GLG1: variants seen among roughly 807,000 people sequenced by gnomAD.
The protein encoded by GLG1 is Golgi apparatus protein 1.
A neutral mutation model predicts 160.5 loss-of-function variants in GLG1; 38 were observed. That is an observed-to-expected ratio of 0.24 (90% CI 0.18 to 0.31). The LOEUF (loss-of-function observed/expected upper bound fraction) is 0.31. Ranked by LOEUF, GLG1 falls within the 10% of genes least tolerant of loss-of-function variation. The pLI, the probability that GLG1 is intolerant of heterozygous loss-of-function variation, is 1.00. For missense variants in GLG1, 1,373 were observed against 1,505.2 expected (o/e 0.91, Z 1.45); for synonymous variants, 644 against 543.4 (o/e 1.19, Z -2.57).
rs754782479 is a variant in GLG1 at position 74,452,071 on chromosome 16, T to G, written c.*1096A>C. The G allele has an allele frequency of 2.5e-6, 4 of 1,612,832 alleles. No individual in the cohort carries two copies. The highest frequency in any genetic ancestry group is 3.4e-6 in the Non-Finnish European group (4 of 1,178,868). ...TGCAGAAAGGTCAGGCTGGACTGCC[T>G]GTCACATCCTGAGACCACACTAAAC... On this transcript the variant is annotated 3_prime_UTR_variant, in exon 26 of 26. Coordinates refer to ENST00000422840, the MANE Select transcript of GLG1 (RefSeq NM_001145667.2).
intron 2 of GLG1, among the ~76,000 whole-genome samples, chr16:74,525,751 C>T (rs1439246796): frequency 6.7e-6 from 1 of 148,670 alleles, no homozygotes. Context: ...GATCTCAATA[C>T]TAGACCCTTT....
intron 13 of GLG1, 74 bp from the exon 14 acceptor site, chr16:74,472,485 T>G: frequency 1.5e-6 from 2 of 1,361,484 alleles, no homozygotes; most frequent in Non-Finnish European, 2.1e-6. Flanking sequence ...TTTCTCTTTC[T>G]GAATCAGTAA....
At chr16:74,592,316 T>C (rs1013579763) in intron 1 of GLG1, among the ~76,000 whole-genome samples, 14 of 152,204 alleles carry the variant, frequency 9.2e-5, no homozygotes, top group Non-Finnish European at 1.9e-4. Context: ...CTGATTTTTG[T>C]ATTTTTAGTA....
intron 1 of GLG1, among the ~76,000 whole-genome samples, chr16:74,563,916 T>C (rs2018577701): frequency 6.6e-6 from 1 of 152,122 alleles, no homozygotes; most frequent in Non-Finnish European, 1.5e-5. Flanking sequence ...TCTGTGAAGT[T>C]GCTGACACTT....
intron 1 of GLG1, among the ~76,000 whole-genome samples, chr16:74,564,880 G>A (rs2018607722): frequency 6.6e-6 from 1 of 152,178 alleles, no homozygotes; most frequent in Non-Finnish European, 1.5e-5. Flanking sequence ...AGAGATCCCA[G>A]CATAAGGAGG....
At chr16:74,502,132 GGTTTT>G (rs1319942456) in intron 4 of GLG1, among the ~76,000 whole-genome samples, 1 of 152,136 alleles carries the variant, frequency 6.6e-6, no homozygotes, top group Non-Finnish European at 1.5e-5. Flanking sequence ...GGGACAAATG[GGTTTT>G]ATTTTCCATC....
intron 2 of GLG1, among the ~76,000 whole-genome samples, chr16:74,511,073 C>T (rs2016788836): frequency 6.6e-6 from 1 of 152,118 alleles, no homozygotes; most frequent in Admixed American, 6.6e-5. Flanking sequence ...GAGCCTCAAG[C>T]CAGGCCAGAT....
At chr16:74,564,487 A>C (rs1447791019) in intron 1 of GLG1, among the ~76,000 whole-genome samples, 1 of 152,234 alleles carries the variant, frequency 6.6e-6, no homozygotes, top group African/African-American at 2.4e-5. Context: ...GTTTGCATGC[A>C]GCCATCTATG....
chr16:74,502,058 C>T (rs1031039637), intron 4 of GLG1, among the ~76,000 whole-genome samples: 3 of 152,184 alleles, frequency 2.0e-5, no homozygotes, highest in Non-Finnish European at 4.4e-5. Flanking sequence ...GTTCCAGGAT[C>T]CTAACACCAT....
At chr16:74,492,934 TA>T (rs751502579) in intron 7 of GLG1, 22 bp downstream of exon 7, 8,944 of 1,299,414 alleles carry the variant, frequency 6.9e-3, no homozygotes, top group South Asian at 0.011. Context: ...AAATGATAAT[TA>T]AAAAAAAAAT....
intron 6 of GLG1, among the ~76,000 whole-genome samples, chr16:74,493,542 A>G (rs572688275): frequency 6.6e-6 from 1 of 152,374 alleles, no homozygotes; most frequent in South Asian, 2.1e-4. Context: ...AATGCTTTAA[A>G]ATACAATTAT....
chr16:74,576,924 A>ATTT, intron 1 of GLG1, among the ~76,000 whole-genome samples: 1 of 140,874 alleles, frequency 7.1e-6, no homozygotes, highest in Admixed American at 7.1e-5. Context: ...ACCACTCCTA[A>ATTT]TTTTTTTTTT....
chr16:74,469,844 C>A lies in GLG1; in HGVS notation c.2318+141G>T, dbSNP rs570047169. Reference sequence around the variant, plus strand: ...GTCCAGACAGTCCGAGTGTTTGCCACGCTAATCAAAGGAGAGATGCGGGAG... The same window carrying A: ...GTCCAGACAGTCCGAGTGTTTGCCAAGCTAATCAAAGGAGAGATGCGGGAG... On this transcript the variant is annotated intron_variant, in intron 16 of 25. Coordinates refer to ENST00000422840, the MANE Select transcript of GLG1 (RefSeq NM_001145667.2). The A allele has an allele frequency of 2.5e-4, 163 of 655,552 alleles. 4 individuals carry two copies. The South Asian group carries it at 2.8e-3, about 11-fold the overall frequency. 40.6% of individuals were successfully genotyped at this position (655,552 alleles called of 1,614,324 possible).
chr16:74,567,305 T>C (rs574118012), intron 1 of GLG1, among the ~76,000 whole-genome samples: 2 of 152,112 alleles, frequency 1.3e-5, no homozygotes, highest in Non-Finnish European at 2.9e-5. Flanking sequence ...ATTACCAATG[T>C]TGTAACACGT....
At chr16:74,492,693 C>T (rs2016042902) in intron 7 of GLG1, among the ~76,000 whole-genome samples, 1 of 151,998 alleles carries the variant, frequency 6.6e-6, no homozygotes, top group Non-Finnish European at 1.5e-5. Flanking sequence ...GTGGCACTCG[C>T]CTGTAATCCC....
intron 2 of GLG1, among the ~76,000 whole-genome samples, chr16:74,531,433 C>A (rs1263652937): frequency 6.6e-6 from 1 of 152,208 alleles, no homozygotes; most frequent in Admixed American, 6.5e-5. Context: ...ATTCTCCTGC[C>A]TCAGCCTCCA....
intron 2 of GLG1, among the ~76,000 whole-genome samples, chr16:74,523,948 C>T (rs993271383): frequency 6.6e-5 from 10 of 152,136 alleles, no homozygotes; most frequent in African/African-American, 1.7e-4. Context: ...CGGTGGCTCA[C>T]GCCTGTGTAA....
chr16:74,562,256 G>T (rs2018532829), intron 1 of GLG1, among the ~76,000 whole-genome samples: 1 of 152,208 alleles, frequency 6.6e-6, no homozygotes, highest in Admixed American at 6.5e-5. Flanking sequence ...GGTTGCCTTG[G>T]TCAAAGGTAT....
chr16:74,485,229 A>G (rs2015748915), intron 9 of GLG1, among the ~76,000 whole-genome samples: 1 of 152,236 alleles, frequency 6.6e-6, no homozygotes, highest in Admixed American at 6.5e-5. Flanking sequence ...CTGTTTTTAC[A>G]TCATAAAAAA....
Sources: allele counts gnomAD v4.1 joint callset (sites outside exome capture counted in the v4.1 genomes callset), GRCh38; gene constraint gnomAD v4.1.1; transcripts MANE v1.5; gene names NCBI Gene and HGNC (gene_info 2026-07-23, HGNC 2026-07-21).